PLXNB2: variants seen among roughly 807,000 people sequenced by gnomAD.
The protein encoded by PLXNB2 is plexin B2.
Under a neutral mutation model 202.6 loss-of-function variants are expected in PLXNB2, and 85 were observed. The observed-to-expected ratio is 0.42, with a 90% CI of 0.35 to 0.50. The LOEUF (loss-of-function observed/expected upper bound fraction) is 0.50. Among genes scored for constraint, PLXNB2 ranks in the 20% least tolerant of loss-of-function variants. The pLI is 0.02. For missense variants in PLXNB2, 2,063 were observed against 2,586.2 expected (o/e 0.80, Z 4.39); for synonymous variants, 1,239 against 1,137.6 (o/e 1.09, Z -1.79).
chr22:50,303,525 G>A (rs924247433), intron 1 of PLXNB2, among the ~76,000 whole-genome samples: 6 of 152,224 alleles, frequency 3.9e-5, no homozygotes, highest in African/African-American at 1.2e-4. Flanking sequence ...GGCAGGAACC[G>A]TCCCAGCCAC....
At position 50,281,468 on chromosome 22, in the gene PLXNB2, C is replaced by A; in HGVS notation, c.3554G>T (p.Gly1185Val). The change falls in exon 22 of 37, where the codon GGC becomes GTC. Residue 1185 changes from glycine (G) to valine (V), a missense_variant. By Grantham distance (109) the Gly-to-Val change is moderately radical. Around this residue, in one of 2 missense-constraint regions of PLXNB2, gnomAD observed 760 missense variants for 1,109.4 expected, o/e 0.69. Coordinates refer to ENST00000359337, the MANE Select transcript of PLXNB2 (RefSeq NM_012401.4). The stretch of plus-strand genomic sequence containing the variant: ...CACCCGTGTGTCGTACTCCACGCGG[C>A]CCAGCACCCACTCGCGAGAGCCGAA... Reference protein sequence around the residue: ...VKFGSREWVLGRVEYDTRVSD... With the variant: ...VKFGSREWVLVRVEYDTRVSD... 1 of 1,612,360 alleles carries A rather than the reference C, an allele frequency of 6.2e-7. No individual in the cohort carries two copies. The highest frequency in any genetic ancestry group is 8.5e-7 in the Non-Finnish European group (1 of 1,179,748).
In PLXNB2 at chr22:50,284,455, G is replaced by T; in HGVS notation, c.2181+118C>A. 1.2e-6 allele frequency: 1 copy of T among 816,368 alleles called. No homozygotes were observed. Among genetic ancestry groups the T allele is most frequent in the Non-Finnish European group, 2.0e-6 (1 of 502,650 alleles). 50.6% of individuals were successfully genotyped at this position (816,368 alleles called of 1,614,324 possible). The stretch of plus-strand genomic sequence containing the variant: ...CACAGGGCATGGCGAGCCCCTGGCT[G>T]GGCTCTGGTCCCTGGGGTCTCCCTG... On this transcript the variant is annotated intron_variant, in intron 12 of 36. Transcript: ENST00000359337. The surrounding 1 kb of genome is among the most constrained non-coding windows in gnomAD (Gnocchi z 8.0).
Position 50,283,628 on chromosome 22 carries a change from C to T in PLXNB2, c.2544G>A (p.Gln848=), listed in dbSNP as rs1452140861. The T allele has an allele frequency of 6.2e-7, 1 of 1,612,910 alleles. No individual in the cohort carries two copies. Among genetic ancestry groups the T allele is most frequent in the Non-Finnish European group, 8.5e-7 (1 of 1,179,938 alleles). The change falls in exon 15 of 37, where the codon CAG becomes CAA. Residue 848 remains glutamine, a synonymous_variant. Coordinates refer to ENST00000359337, the MANE Select transcript of PLXNB2 (RefSeq NM_012401.4). ...ISVAGRNCSF[Q]PERYSVSTRI... The stretch of plus-strand genomic sequence containing the variant: ...GGGTGGACACGGAGTAACGTTCCGG[C>T]TGAAAGGAGCAGTTCCGGCCGGCCA...
rs749040680 is a variant in PLXNB2, at chr22:50,281,703, C to T, written c.3385G>A (p.Glu1129Lys). ...LNKAMTLQEA[E>K]AFVGAERCTM... ...CAGCGCTCGGCACCCACGAAGGCCT[C>T]GGCCTCCTGCAGCGTCATCGCCTTG... Residue 1129 changes from glutamate (E) to lysine (K), a missense_variant, in exon 21 of 37, where the codon GAG becomes AAG. Coordinates refer to ENST00000359337, the MANE Select transcript of PLXNB2 (RefSeq NM_012401.4). The T allele has an allele frequency of 9.0e-6, 14 of 1,564,228 alleles. No homozygotes were observed. Among genetic ancestry groups the T allele is most frequent in the Non-Finnish European group, 1.1e-5 (13 of 1,152,764 alleles).
In PLXNB2 at chr22:50,275,379, C is replaced by T. The variant is rs545695555; in HGVS notation, c.*325G>A. ...ATGGAGGCGGCTGCTGGTGCGTGGG[C>T]GGAGGCGGAGGCCAGCTGCCCCCAG... is the stretch of plus-strand genomic sequence containing the variant. On this transcript the variant is annotated 3_prime_UTR_variant, in exon 37 of 37. Transcript: ENST00000359337. The T allele has an allele frequency of 1.5e-3, 732 of 479,714 alleles. 10 individuals are homozygous for T. The highest frequency in any genetic ancestry group is 0.013 in the African/African-American group (680 of 51,190). 29.7% of individuals were successfully genotyped at this position (479,714 alleles called of 1,614,324 possible). A position where few individuals can be genotyped will look rare whatever the true frequency, so the allele number is the denominator to read the frequency against.
chr22:50,278,078 T>C (rs534592249), intron 31 of PLXNB2, 39 bp downstream of exon 31: 1 of 1,602,286 alleles, frequency 6.2e-7, no homozygotes, highest in African/African-American at 1.3e-5. Context: ...GGTCTCAGCG[T>C]GGCGGCCTGG....
rs370214767 is a variant in PLXNB2, at chr22:50,283,320, C to T, written c.2679+17G>A. The T allele has an allele frequency of 3.5e-5, 56 of 1,611,642 alleles. No individual in the cohort carries two copies. The highest frequency in any genetic ancestry group is 6.6e-5 in the South Asian group (6 of 91,042). ...GGTCCTCCCGGGTTCGGCAGGTCCC[C>T]GAGGCCGGGTGCTTACTTGGAAGGT... On this transcript the variant is annotated intron_variant, in intron 16 of 36. Transcript: ENST00000359337.
intron 25 of PLXNB2, 51 bp from the exon 26 acceptor site, chr22:50,280,122 G>A (rs758059426): frequency 4.1e-6 from 6 of 1,447,886 alleles, no homozygotes; most frequent in East Asian, 2.3e-5. Context: ...TATTCCTGAG[G>A]CCCAACTGAC....
intron 1 of PLXNB2, among the ~76,000 whole-genome samples, chr22:50,295,092 G>A (rs1008867031): frequency 2.0e-5 from 3 of 152,220 alleles, no homozygotes; most frequent in South Asian, 2.1e-4. Flanking sequence ...AGGCCGAGGC[G>A]GGAGGATCAC....
intron 22 of PLXNB2, 43 bp from the exon 23 acceptor site, chr22:50,281,232 C>A: frequency 1.3e-6 from 2 of 1,571,598 alleles, no homozygotes; most frequent in Non-Finnish European, 8.7e-7. Context: ...CGGGGCTGGC[C>A]GCTCAGCTGC....
In PLXNB2 at chr22:50,282,800, C is replaced by G. The variant is rs2066109849; in HGVS notation, c.2898G>C (p.Gly966=). The change falls in exon 18 of 37, where the codon GGG becomes GGC. Residue 966 remains glycine (G), a synonymous_variant. Transcript: ENST00000359337. ...RGQMLLEVSY[G]GSPVPNPGIF... is the part of the protein sequence containing the mutation. ...TGCCGGGGTTGGGCACGGGGGACCC[C>G]CCGTAGGAGACCTCCAGAAGCATCT... 6.2e-7 allele frequency: 1 copy of G among 1,611,698 alleles called. No individual in the cohort carries two copies. Among genetic ancestry groups the G allele is most frequent in the African/African-American group, 1.3e-5 (1 of 74,510 alleles).
intron 23 of PLXNB2, 57 bp downstream of exon 23, chr22:50,281,032 C>T: frequency 6.3e-7 from 1 of 1,599,524 alleles, no homozygotes; most frequent in Admixed American, 1.7e-5. Context: ...CCCCACGCTA[C>T]ACACAGCATC....
At chr22:50,282,570 G>C in intron 18 of PLXNB2, 141 bp downstream of exon 18, 1 of 651,308 alleles carries the variant, frequency 1.5e-6, no homozygotes, top group Non-Finnish European at 2.5e-6. Flanking sequence ...AGTGGATCTG[G>C]AGTGCAGTGG....
chr22:50,285,887 G>A lies in PLXNB2; in HGVS notation c.2001C>T (p.Pro667=). The A allele has an allele frequency of 6.2e-7, 1 of 1,612,084 alleles. No individual in the cohort carries two copies. The highest frequency in any genetic ancestry group is 8.5e-7 in the Non-Finnish European group (1 of 1,179,260). The change falls in exon 11 of 37, where the codon CCC becomes CCT. Residue 667 remains proline, a synonymous_variant. Coordinates refer to ENST00000359337, the MANE Select transcript of PLXNB2 (RefSeq NM_012401.4). The stretch of plus-strand genomic sequence containing the variant: ...CCAGGGGGCTGGGTCCCAGGAACTG[G>A]GGACAGCTGTCCTCCTGGGAGAGTA... ...IVRAHMEDSC[P]QFLGPSPLVI...
At chr22:50,303,934 G>T (rs1467959223) in intron 1 of PLXNB2, among the ~76,000 whole-genome samples, 2 of 152,350 alleles carry the variant, frequency 1.3e-5, no homozygotes, top group East Asian at 3.9e-4. Flanking sequence ...GAGGAAGAGA[G>T]CTGGACCTGC....
At chr22:50,287,012 C>T (rs963833339) in intron 8 of PLXNB2, 99 bp downstream of exon 8, 8 of 1,235,946 alleles carry the variant, frequency 6.5e-6, no homozygotes, top group East Asian at 2.7e-5. Flanking sequence ...TGTGCCTGTG[C>T]AGAGCCTGCA....
chr22:50,307,423 C>A, intron 1 of PLXNB2, 130 bp downstream of exon 1: 1 of 405,314 alleles, frequency 2.5e-6, no homozygotes, highest in Non-Finnish European at 3.3e-6. Flanking sequence ...CGGGAGCCCT[C>A]CGCGGAGCCG....
At chr22:50,307,500 C>T (rs1000491111) in intron 1 of PLXNB2, 53 bp downstream of exon 1, 25 of 914,080 alleles carry the variant, frequency 2.7e-5, no homozygotes, top group African/African-American at 2.3e-4. Context: ...CGGCGAAGCC[C>T]CCCCCACGCC....
intron 2 of PLXNB2, among the ~76,000 whole-genome samples, chr22:50,292,523 G>A (rs916428880): frequency 6.3e-4 from 96 of 152,266 alleles, no homozygotes; most frequent in African/African-American, 2.1e-3. Flanking sequence ...CATGGGTGGG[G>A]CTGGGATTCT....
Sources: gnomAD v4.1 joint callset for allele counts (sites outside exome capture counted in the v4.1 genomes callset) on GRCh38, gnomAD v4.1.1 for gene constraint, gnomAD v4.1.1 regional missense constraint, Gnocchi (gnomAD v3.1) non-coding constraint, MANE v1.5 for transcripts, NCBI Gene and HGNC (gene_info 2026-07-23, HGNC 2026-07-21) for gene names.